The following MACROD2 variants were observed in gnomAD, a reference collection of about 807,000 sequenced individuals.
MACROD2 encodes ADP-ribose glycohydrolase MACROD2.
Under a neutral mutation model 70.4 loss-of-function variants are expected in MACROD2, and 36 were observed. That is an observed-to-expected ratio of 0.51 (90% CI 0.39 to 0.68). The LOEUF (loss-of-function observed/expected upper bound fraction) is 0.68. Ranked by LOEUF, MACROD2 falls within the 30% of genes least tolerant of loss-of-function variation. MACROD2 has a pLI of 0.00. For missense variants in MACROD2, 496 were observed against 538.4 expected (o/e 0.92, Z 0.78); for synonymous variants, 172 against 178.8 (o/e 0.96, Z 0.30).
At chr20:14,030,986 A>G (rs1408934016) in intron 2 of MACROD2, among the ~76,000 whole-genome samples, 1 of 152,212 alleles carries the variant, frequency 6.6e-6, no homozygotes, top group Non-Finnish European at 1.5e-5. Flanking sequence ...TCAAATTTAG[A>G]TATCAGGTTA....
At chr20:14,697,584 C>A (rs6110396) in intron 5 of MACROD2, among the ~76,000 whole-genome samples, 40,344 of 152,036 alleles carry the variant, frequency 0.27, 5,574 homozygotes, top group East Asian at 0.36. Flanking sequence ...AATATCTTAT[C>A]CTTTATACTT....
chr20:14,689,404 TA>T (rs1053826270), intron 5 of MACROD2, among the ~76,000 whole-genome samples: 15 of 152,178 alleles, frequency 9.9e-5, no homozygotes, highest in African/African-American at 3.4e-4. Context: ...TCATATAGCT[TA>T]AAAAATGTGT....
At chr20:14,074,073 T>C (rs925526852) in intron 2 of MACROD2, among the ~76,000 whole-genome samples, 1 of 152,114 alleles carries the variant, frequency 6.6e-6, no homozygotes, top group Non-Finnish European at 1.5e-5. Context: ...CCAGGCAACA[T>C]ATGATCATAC....
intron 8 of MACROD2, among the ~76,000 whole-genome samples, chr20:15,774,120 TTC>T (rs1250740421): frequency 6.6e-6 from 1 of 152,162 alleles, no homozygotes; most frequent in East Asian, 1.9e-4. Flanking sequence ...ATTCTGCCAT[TTC>T]TCTTTTCTGT....
intron 5 of MACROD2, among the ~76,000 whole-genome samples, chr20:14,870,941 C>G (rs935005960): frequency 6.6e-6 from 1 of 152,096 alleles, no homozygotes; most frequent in Non-Finnish European, 1.5e-5. Flanking sequence ...TGCAGAAGCT[C>G]TTTAGTTTAA....
At chr20:14,869,215 T>C (rs772253919) in intron 5 of MACROD2, among the ~76,000 whole-genome samples, 8 of 152,094 alleles carry the variant, frequency 5.3e-5, no homozygotes, top group Non-Finnish European at 1.2e-4. Flanking sequence ...TTGGAGAAAA[T>C]ATGTGCTAGA....
At chr20:14,956,606 G>T (rs117057989) in intron 5 of MACROD2, among the ~76,000 whole-genome samples, 3,419 of 152,114 alleles carry the variant, frequency 0.022, 66 homozygotes, top group Middle Eastern at 0.037. Flanking sequence ...GTTAATTGGG[G>T]GTGATACTAG....
In MACROD2 at chr20:15,810,781, C is replaced by T. The variant is rs1327359895; in HGVS notation, c.646-51964C>T. 1.1e-4 allele frequency among the ~76,000 whole-genome samples: 17 copies of T among 152,030 alleles called. No individual in the cohort carries two copies. In the East Asian group the frequency reaches 1.7e-3, roughly 16 times the overall value. ...AGAACAGTGCCCTCAGAAATAATGCCGCATATCTACAACTATCTGATCTTT... is the reference window on the plus strand; with the variant it reads ...AGAACAGTGCCCTCAGAAATAATGCTGCATATCTACAACTATCTGATCTTT... On this transcript the variant is annotated intron_variant, in intron 8 of 17. Transcript: ENST00000684519.
intron 4 of MACROD2, among the ~76,000 whole-genome samples, chr20:14,673,920 C>CAAA (rs1175764543): frequency 5.9e-5 from 3 of 50,980 alleles, no homozygotes; most frequent in Non-Finnish European, 8.9e-5. Flanking sequence ...AACTCCATCT[C>CAAA]AAAAAAAAAA....
intron 5 of MACROD2, among the ~76,000 whole-genome samples, chr20:14,719,298 A>G (rs1372754197): frequency 6.6e-6 from 1 of 151,998 alleles, no homozygotes; most frequent in South Asian, 2.1e-4. Context: ...TTCAAAAGAC[A>G]AATAAACTCT....
chr20:15,301,566 G>A (rs1347118786), intron 6 of MACROD2, among the ~76,000 whole-genome samples: 2 of 146,878 alleles, frequency 1.4e-5, no homozygotes, highest in East Asian at 2.0e-4. Context: ...ATCAATGGGT[G>A]GAAGTTAGTA....
intron 4 of MACROD2, among the ~76,000 whole-genome samples, chr20:14,549,611 G>A (rs908817715): frequency 6.6e-6 from 1 of 151,572 alleles, no homozygotes; most frequent in Non-Finnish European, 1.5e-5. Context: ...ATGTTTTCAA[G>A]GCAGAGTCAG....
intron 4 of MACROD2, among the ~76,000 whole-genome samples, chr20:14,594,711 G>A (rs1982004487): frequency 6.6e-6 from 1 of 152,192 alleles, no homozygotes; most frequent in African/African-American, 2.4e-5. Context: ...GGCCAATATG[G>A]TGAAACCCTG....
At chr20:15,917,659 A>G (rs1226850292) in intron 10 of MACROD2, among the ~76,000 whole-genome samples, 1 of 152,222 alleles carries the variant, frequency 6.6e-6, no homozygotes, top group African/African-American at 2.4e-5. Flanking sequence ...AACCAAAACA[A>G]AAGCCTTTTC....
intron 2 of MACROD2, among the ~76,000 whole-genome samples, chr20:14,084,061 C>CAAAA (rs1211049702): frequency 0.029 from 1,716 of 59,762 alleles, 574 homozygotes; most frequent in East Asian, 0.083. Flanking sequence ...GACTCCGTCT[C>CAAAA]AAAAAAAAAC....
chr20:16,023,866 A>G (rs189350646), intron 15 of MACROD2, among the ~76,000 whole-genome samples: 121 of 152,170 alleles, frequency 8.0e-4, no homozygotes, highest in African/African-American at 2.4e-3. Context: ...ATGATTCCCA[A>G]ATTCTATGCG....
At chr20:14,739,015 C>A (rs766985629) in intron 5 of MACROD2, among the ~76,000 whole-genome samples, 1 of 151,830 alleles carries the variant, frequency 6.6e-6, no homozygotes, top group Non-Finnish European at 1.5e-5. Context: ...TTTGTAAAAT[C>A]TTTAAATCAT....
At chr20:15,248,915 C>A (rs2077129740) in intron 6 of MACROD2, among the ~76,000 whole-genome samples, 2 of 152,122 alleles carry the variant, frequency 1.3e-5, no homozygotes, top group African/African-American at 4.8e-5. Context: ...TACTTGGTTA[C>A]AAGGAATTTA....
chr20:15,688,812 T>C (rs755439612), intron 8 of MACROD2, among the ~76,000 whole-genome samples: 4 of 152,132 alleles, frequency 2.6e-5, no homozygotes, highest in Non-Finnish European at 5.9e-5. Context: ...ACAAAAAAGA[T>C]AGAGGGGGTG....
Sources: gnomAD v4.1 joint callset for allele counts (sites outside exome capture counted in the v4.1 genomes callset) on GRCh38, gnomAD v4.1.1 for gene constraint, MANE v1.5 for transcripts, NCBI Gene and HGNC (gene_info 2026-07-23, HGNC 2026-07-21) for gene names.